The following CRIM1 variants were observed in gnomAD, a reference collection of about 807,000 sequenced individuals.
CRIM1 encodes the protein cysteine rich transmembrane BMP regulator 1.
CRIM1 carries 32 observed loss-of-function variants against 116.4 expected under a neutral mutation model. That is an observed-to-expected ratio of 0.27 (90% confidence interval 0.21 to 0.37). The LOEUF is 0.37. Among genes scored for constraint, CRIM1 ranks in the 10% least tolerant of loss-of-function variants. CRIM1 has a pLI of 1.00. For synonymous variants in CRIM1, 590 were observed against 509.2 expected, an observed-to-expected ratio of 1.16 and a Z score of -2.13; for missense variants, 1,331 against 1,354.8, an observed-to-expected ratio of 0.98 and a Z score of 0.28.
chr2:36,406,786 C>G (rs1672839666), intron 2 of CRIM1, among the ~76,000 whole-genome samples: 1 of 152,240 alleles, frequency 6.6e-6, no homozygotes, highest in Admixed American at 6.5e-5. Context: ...CTTCATCAAA[C>G]TTACTCATCA....
At chr2:36,454,646 T>C (rs1033733372) in intron 4 of CRIM1, among the ~76,000 whole-genome samples, 8 of 152,348 alleles carry the variant, frequency 5.3e-5, no homozygotes, top group Non-Finnish European at 1.0e-4. Flanking sequence ...TTTTCTTTAA[T>C]GTGCCCCTTT....
At position 36,434,869 on chromosome 2, in the gene CRIM1, C is replaced by G. The variant is rs576393150; in HGVS notation, c.506-6389C>G. 2.5e-4 allele frequency among the ~76,000 whole-genome samples: 38 copies of G among 152,286 alleles called. 1 individual carries two copies. In the South Asian group the frequency reaches 2.7e-3, roughly 11 times the overall value. On this transcript the variant is annotated intron_variant, in intron 2 of 16. Coordinates refer to ENST00000280527, the MANE Select transcript of CRIM1 (RefSeq NM_016441.3). Reference sequence around the variant, plus strand: ...TTTGCCATTCCCTTTGTCTGGAACACTCTTGCTTTGTGTTTTGTGTGCTTT... The same window carrying G: ...TTTGCCATTCCCTTTGTCTGGAACAGTCTTGCTTTGTGTTTTGTGTGCTTT...
intron 4 of CRIM1, among the ~76,000 whole-genome samples, chr2:36,461,684 A>G (rs1325579511): frequency 6.6e-6 from 1 of 152,186 alleles, no homozygotes; most frequent in African/African-American, 2.4e-5. Context: ...TCATTTGTAG[A>G]TATAACAGAC....
intron 11 of CRIM1, 88 bp from the exon 12 acceptor site, chr2:36,517,239 C>T (rs912320303): frequency 1.0e-6 from 1 of 1,001,182 alleles, no homozygotes; most frequent in Non-Finnish European, 1.6e-6. Context: ...TTCATCTCTT[C>T]TATCCCTTAA....
chr2:36,484,140 G>A (rs1572845807), intron 7 of CRIM1, among the ~76,000 whole-genome samples: 2 of 152,284 alleles, frequency 1.3e-5, no homozygotes, highest in South Asian at 4.1e-4. Flanking sequence ...TTCTGTCCCA[G>A]TTCAGCCCCT....
chr2:36,448,660 A>G (rs976961325), intron 4 of CRIM1, among the ~76,000 whole-genome samples: 2 of 152,232 alleles, frequency 1.3e-5, no homozygotes, highest in Non-Finnish European at 2.9e-5. Context: ...TTGACAAGTC[A>G]CCTATTTTAA....
In CRIM1 at chr2:36,489,200, G is replaced by A. The variant is rs139433178; in HGVS notation, c.1372+9506G>A. Among the ~76,000 whole-genome samples the A allele has an allele frequency of 4.2e-3, 647 of 152,244 alleles. 7 individuals carry two copies. Among genetic ancestry groups the A allele is most frequent in the African/African-American group, 0.014 (596 of 41,538 alleles). On this transcript the variant is annotated intron_variant, in intron 7 of 16. Coordinates refer to ENST00000280527, the MANE Select transcript of CRIM1 (RefSeq NM_016441.3). The stretch of plus-strand genomic sequence containing the variant: ...CCTGTGCCTTTGTGCCTTGCATGGT[G>A]GTTGAACCCCCTTAGTTTGCCTATC...
chr2:36,504,038 T>A (rs1361817085), intron 8 of CRIM1, among the ~76,000 whole-genome samples: 1 of 151,926 alleles, frequency 6.6e-6, no homozygotes, highest in Non-Finnish European at 1.5e-5. Context: ...CCCAGCTCAT[T>A]TTTTTTGTAT....
intron 2 of CRIM1, 85 bp from the exon 3 acceptor site, chr2:36,441,173 A>G: frequency 1.9e-6 from 3 of 1,559,768 alleles, no homozygotes; most frequent in East Asian, 2.3e-5. Flanking sequence ...GGCTACTTAA[A>G]TAGATCATCA....
At chr2:36,411,377 T>A in intron 2 of CRIM1, among the ~76,000 whole-genome samples, 1 of 152,196 alleles carries the variant, frequency 6.6e-6, no homozygotes, top group Non-Finnish European at 1.5e-5. Context: ...TTTTGATATA[T>A]CAAGAACTAA....
chr2:36,519,998 A>G lies in CRIM1; in HGVS notation c.2207-2094A>G, dbSNP rs1032022069. Among the ~76,000 whole-genome samples the G allele has an allele frequency of 5.3e-5, 8 of 152,232 alleles. No individual in the cohort carries two copies. In the East Asian group the frequency reaches 5.8e-4, roughly 11 times the overall value. On this transcript the variant is annotated intron_variant, in intron 12 of 16. Transcript: ENST00000280527. ...AATAAAGGAGTAAACGTTTGGAAAC[A>G]GAAGTGTAAAGAAAAGGGTCTAGAG...
intron 2 of CRIM1, among the ~76,000 whole-genome samples, chr2:36,401,190 A>T (rs939973174): frequency 6.6e-6 from 1 of 152,184 alleles, no homozygotes; most frequent in Non-Finnish European, 1.5e-5. Context: ...CCTGTGTATT[A>T]CTTATGTTTG....
chr2:36,359,270 C>T (rs556123210), intron 1 of CRIM1, among the ~76,000 whole-genome samples: 3 of 152,264 alleles, frequency 2.0e-5, no homozygotes, highest in East Asian at 1.9e-4. Context: ...TAATTGGCTA[C>T]GTTGTAAAAA....
intron 2 of CRIM1, among the ~76,000 whole-genome samples, chr2:36,438,365 A>G (rs996126515): frequency 6.6e-6 from 1 of 152,240 alleles, no homozygotes; most frequent in Non-Finnish European, 1.5e-5. Context: ...TCTTAATTAT[A>G]AAACAATGTG....
At chr2:36,464,064 G>A (rs1037921637) in intron 4 of CRIM1, among the ~76,000 whole-genome samples, 1 of 152,092 alleles carries the variant, frequency 6.6e-6, no homozygotes. Context: ...CATTGAACCA[G>A]GAGTCAGAAA....
intron 12 of CRIM1, among the ~76,000 whole-genome samples, chr2:36,518,691 A>C (rs1466110924): frequency 6.6e-6 from 1 of 152,160 alleles, no homozygotes; most frequent in Non-Finnish European, 1.5e-5. Context: ...TATGTGTTAC[A>C]TTTTTAGGAT....
Position 36,488,238 on chromosome 2 carries a change from T to C in CRIM1, c.1372+8544T>C, listed in dbSNP as rs138221724. Among the ~76,000 whole-genome samples, 17 of 152,354 alleles carry C rather than the reference T, an allele frequency of 1.1e-4. No individual in the cohort carries two copies. In the East Asian group the frequency reaches 3.3e-3, roughly 29 times the overall value. On this transcript the variant is annotated intron_variant, in intron 7 of 16. Coordinates refer to ENST00000280527, the MANE Select transcript of CRIM1 (RefSeq NM_016441.3). The stretch of plus-strand genomic sequence containing the variant: ...GTCACACAAGCATATAAACCATCTG[T>C]TGCAATACTATTTTAAAATCGTAGG...
intron 2 of CRIM1, among the ~76,000 whole-genome samples, chr2:36,399,913 A>G (rs1392018026): frequency 6.6e-6 from 1 of 152,188 alleles, no homozygotes. Flanking sequence ...AACTAGGGAA[A>G]TGTAGTAGGG....
At chr2:36,436,711 T>A (rs984254308) in intron 2 of CRIM1, among the ~76,000 whole-genome samples, 4 of 152,140 alleles carry the variant, frequency 2.6e-5, no homozygotes, top group Non-Finnish European at 5.9e-5. Flanking sequence ...CACACATACA[T>A]ACACACACGT....
Sources: gnomAD v4.1 joint callset for allele counts (sites outside exome capture counted in the v4.1 genomes callset) on GRCh38, gnomAD v4.1.1 for gene constraint, MANE v1.5 for transcripts, NCBI Gene and HGNC (gene_info 2026-07-23, HGNC 2026-07-21) for gene names.